The following FBXO24 variants were observed in gnomAD, a reference collection of about 807,000 sequenced individuals.
The protein encoded by FBXO24 is F-box only protein 24.
In FBXO24, 30 loss-of-function variants were observed where a neutral mutation model predicts 63.5. That is an observed-to-expected ratio of 0.47 (90% CI 0.35 to 0.64). The LOEUF (loss-of-function observed/expected upper bound fraction) is 0.64. Ranked by LOEUF, FBXO24 falls within the 30% of genes least tolerant of loss-of-function variation. The pLI, the probability that FBXO24 is intolerant of heterozygous loss-of-function variation, is 0.00. For synonymous variants in FBXO24, 300 were observed against 305.0 expected (o/e 0.98, Z 0.17); for missense variants, 624 against 763.4 (o/e 0.82, Z 2.15).
Position 100,592,943 on chromosome 7 carries a change from T to A in FBXO24, c.719T>A (p.Phe240Tyr). The A allele has an allele frequency of 6.2e-7, 1 of 1,614,146 alleles. No homozygotes were observed. Among genetic ancestry groups the A allele is most frequent in the Non-Finnish European group, 8.5e-7 (1 of 1,180,038 alleles). ...GGGCAGCGGGTCTTCAAGATGACAT[T>A]CCACCACTCAATGACCTTCAAGCAG... ...SSGQRVFKMT[F>Y]HHSMTFKQIV... Residue 240 changes from phenylalanine to tyrosine, a missense_variant, in exon 5 of 10, where the codon TTC becomes TAC. Transcript: ENST00000241071.
Position 100,600,993 on chromosome 7 carries a change from G to T in FBXO24, c.*94G>T. ...ACCATTGTGCACATGCGTGTGGGAAGGGGTTGCTAGGGGGTGGGGACGGCT... is the reference window on the plus strand; with the variant it reads ...ACCATTGTGCACATGCGTGTGGGAATGGGTTGCTAGGGGGTGGGGACGGCT... On this transcript the variant is annotated 3_prime_UTR_variant, in exon 10 of 10. Transcript: ENST00000241071. This position sits in a 1 kb window ranked among gnomAD's most constrained non-coding sequence, Gnocchi z 6.3. The T allele has an allele frequency of 1.3e-6, 2 of 1,500,242 alleles. No individual in the cohort carries two copies. The highest frequency in any genetic ancestry group is 4.2e-5 in the Admixed American group (2 of 47,538). 92.9% of individuals were successfully genotyped at this position (1,500,242 alleles called of 1,614,324 possible). A position where few individuals can be genotyped will look rare whatever the true frequency, so the allele number is the denominator to read the frequency against.
In FBXO24 at chr7:100,594,310, A is replaced by C. The variant is rs1802185602; in HGVS notation, c.794-73A>C. The C allele has an allele frequency of 6.4e-7, 1 of 1,558,834 alleles. No individual in the cohort carries two copies. Among genetic ancestry groups the C allele is most frequent in the Non-Finnish European group, 8.7e-7 (1 of 1,143,094 alleles). On this transcript the variant is annotated intron_variant, in intron 5 of 9. Coordinates refer to ENST00000241071, the MANE Select transcript of FBXO24 (RefSeq NM_033506.3). This position sits in a 1 kb window ranked among gnomAD's most constrained non-coding sequence, Gnocchi z 4.2. ...AGTAAATGTGTCACCCATATGGCCTAGGGAGTCTCTTGGGATGTTTATGTG... is the reference window on the plus strand; with the variant it reads ...AGTAAATGTGTCACCCATATGGCCTCGGGAGTCTCTTGGGATGTTTATGTG...
intron 3 of FBXO24, 64 bp downstream of exon 3, chr7:100,590,421 T>G: frequency 6.6e-7 from 1 of 1,520,834 alleles, no homozygotes; most frequent in Non-Finnish European, 8.9e-7. Flanking sequence ...TCCTGCTCTC[T>G]AAAGTCCCCT....
intron 6 of FBXO24, 86 bp from the exon 7 acceptor site, chr7:100,595,016 A>C: frequency 6.4e-7 from 1 of 1,572,350 alleles, no homozygotes; most frequent in Non-Finnish European, 8.7e-7. Context: ...GACTCCTTGG[A>C]TCTTGTAGCT....
At chr7:100,589,731 G>T (rs772432981) in intron 1 of FBXO24, 17 of 1,548,030 alleles carry the variant, frequency 1.1e-5, no homozygotes, top group Non-Finnish European at 1.5e-5. Context: ...GATGGTCAGG[G>T]GAAGCCAGAG....
intron 3 of FBXO24, among the ~76,000 whole-genome samples, chr7:100,591,407 G>A (rs1802020131): frequency 6.6e-6 from 1 of 152,164 alleles, no homozygotes; most frequent in South Asian, 2.1e-4. Context: ...CATCACTGAT[G>A]CAAGGTTGCA....
Position 100,595,199 on chromosome 7 carries a change from G to A in FBXO24, c.1050G>A (p.Pro350=), listed in dbSNP as rs142588651. The change falls in exon 7 of 10, where the codon CCG becomes CCA. Residue 350 remains proline (P), a synonymous_variant. Transcript: ENST00000241071. The part of the protein sequence containing the change: ...QAFDPLDQQM[P]LALSLPAKIL... ...TTGACCCCCTGGACCAGCAGATGCC[G>A]CTTGCTCTCTCACTGCCTGCCAAGG... 401 of 1,614,080 alleles carry A rather than the reference G, an allele frequency of 2.5e-4. 1 individual carries two copies. The African/African-American group carries it at 4.6e-3, about 19-fold the overall frequency.
At chr7:100,597,888 T>G (rs917617389) in intron 8 of FBXO24, among the ~76,000 whole-genome samples, 15 of 143,258 alleles carry the variant, frequency 1.0e-4, no homozygotes, top group Admixed American at 3.4e-4. Context: ...TTTTTTGTTT[T>G]TTTTGTTTTT....
At position 100,592,929 on chromosome 7, in the gene FBXO24, C is replaced by A. The variant is rs1398716521; in HGVS notation, c.705C>A (p.Val235=). Residue 235 remains valine (V), a synonymous_variant, in exon 5 of 10, where the codon GTC becomes GTA. Transcript: ENST00000241071. ...ATCTGCAGTCTAGTGGGCAGCGGGTCTTCAAGATGACATTCCACCACTCAA... is the reference window on the plus strand; with the variant it reads ...ATCTGCAGTCTAGTGGGCAGCGGGTATTCAAGATGACATTCCACCACTCAA... ...EVYLQSSGQR[V]FKMTFHHSMT... 2 of 1,614,186 alleles carry A rather than the reference C, an allele frequency of 1.2e-6. No homozygotes were observed. Among genetic ancestry groups the A allele is most frequent in the East Asian group, 2.2e-5 (1 of 44,872 alleles).
chr7:100,591,475 A>G (rs1802025068), intron 3 of FBXO24, among the ~76,000 whole-genome samples, 192 bp from the exon 4 acceptor site: 1 of 152,162 alleles, frequency 6.6e-6, no homozygotes, highest in Non-Finnish European at 1.5e-5. Flanking sequence ...TGGGGTGGAG[A>G]CTAAAGTTCA....
intron 8 of FBXO24, 25 bp downstream of exon 8, chr7:100,595,731 C>T (rs773262124): frequency 1.3e-6 from 2 of 1,556,926 alleles, no homozygotes; most frequent in East Asian, 2.3e-5. Flanking sequence ...CAGCAACTCT[C>T]ATCCCAACCC....
chr7:100,591,160 C>T (rs1180603137), intron 3 of FBXO24, among the ~76,000 whole-genome samples: 2 of 151,514 alleles, frequency 1.3e-5, no homozygotes, highest in Non-Finnish European at 2.9e-5. Flanking sequence ...CCTCAGCCTC[C>T]TGAGTAGCTG....
Position 100,601,004 on chromosome 7 carries a change from G to T in FBXO24, c.*105G>T, listed in dbSNP as rs1050733506. On this transcript the variant is annotated 3_prime_UTR_variant, in exon 10 of 10. Transcript: ENST00000241071. ...CATGCGTGTGGGAAGGGGTTGCTAG[G>T]GGGTGGGGACGGCTAACCAGGGTAA... is the stretch of plus-strand genomic sequence containing the variant. 2 of 1,486,442 alleles carry T rather than the reference G, an allele frequency of 1.3e-6. No individual in the cohort carries two copies. Among genetic ancestry groups the T allele is most frequent in the African/African-American group, 1.4e-5 (1 of 71,564 alleles). 92.1% of individuals were successfully genotyped at this position (1,486,442 alleles called of 1,614,324 possible).
intron 1 of FBXO24, among the ~76,000 whole-genome samples, chr7:100,587,203 C>T (rs966663286): frequency 2.6e-5 from 4 of 152,218 alleles, no homozygotes; most frequent in Non-Finnish European, 4.4e-5. Flanking sequence ...GGATCCTCCA[C>T]GCACAGCCCT....
intron 1 of FBXO24, among the ~76,000 whole-genome samples, chr7:100,587,574 A>AT (rs1465910013): frequency 2.8e-5 from 4 of 143,808 alleles, no homozygotes; most frequent in Middle Eastern, 4.0e-3. Context: ...AAGTGCTGGC[A>AT]TTACAGGCGT....
rs1430351137 is a variant in FBXO24, at chr7:100,594,093, A to C, written c.794-290A>C. On this transcript the variant is annotated intron_variant, in intron 5 of 9. Coordinates refer to ENST00000241071, the MANE Select transcript of FBXO24 (RefSeq NM_033506.3). This position sits in a 1 kb window ranked among gnomAD's most constrained non-coding sequence, Gnocchi z 4.2. The stretch of plus-strand genomic sequence containing the variant: ...TGAGCCACCACACTTGACCACCTCT[A>C]AACTTCTGAATGCCAGGCAGGGCCC... Among the ~76,000 whole-genome samples, 1 of 151,990 alleles carries C rather than the reference A, an allele frequency of 6.6e-6. No individual in the cohort carries two copies. Among genetic ancestry groups the C allele is most frequent in the Non-Finnish European group, 1.5e-5 (1 of 67,972 alleles).
At position 100,590,265 on chromosome 7, in the gene FBXO24, G is replaced by T; in HGVS notation, c.230G>T (p.Gly77Val). 2 of 1,614,198 alleles carry T rather than the reference G, an allele frequency of 1.2e-6. No homozygotes were observed. Among genetic ancestry groups the T allele is most frequent in the Non-Finnish European group, 1.7e-6 (2 of 1,180,032 alleles). ...TTCCACGAAGTGTGCGATGGGGAAG[G>T]CGTGTGGAGACGCATCTGTCGCAGA... ...RYFHEVCDGE[G>V]VWRRICRRLS... The change falls in exon 3 of 10, where the codon GGC becomes GTC. Residue 77 changes from glycine to valine, a missense_variant. Around this residue, in one of 3 missense-constraint regions of FBXO24, gnomAD observed 391 missense variants for 469.1 expected, o/e 0.83. Coordinates refer to ENST00000241071, the MANE Select transcript of FBXO24 (RefSeq NM_033506.3).
chr7:100,600,642 G>A lies in FBXO24; in HGVS notation c.1486G>A (p.Val496Met). 1 of 1,613,968 alleles carries A rather than the reference G, an allele frequency of 6.2e-7. No homozygotes were observed. Among genetic ancestry groups the A allele is most frequent in the Non-Finnish European group, 8.5e-7 (1 of 1,179,906 alleles). ...CTATCGCCACCTGCCAGCCAGCAGGGTGGTGGGGACTCCTGAGCCCAGCCT... is the reference window on the plus strand; with the variant it reads ...CTATCGCCACCTGCCAGCCAGCAGGATGGTGGGGACTCCTGAGCCCAGCCT... ...APYRHLPASR[V>M]VGTPEPSLGA... is the part of the protein sequence containing the mutation. The change falls in exon 10 of 10, where the codon GTG (valine) becomes ATG (methionine). Residue 496 changes from valine (V) to methionine (M), a missense_variant. Physicochemically the swap from Val to Met is conservative, Grantham distance 21. This residue lies in a region of FBXO24 where 216 missense variants were observed against 245.2 expected (regional missense o/e 0.88). Coordinates refer to ENST00000241071, the MANE Select transcript of FBXO24 (RefSeq NM_033506.3). This position sits in a 1 kb window ranked among gnomAD's most constrained non-coding sequence, Gnocchi z 6.3.
At chr7:100,589,337 GTTAGT>G in intron 1 of FBXO24, 1 of 1,037,898 alleles carries the variant, frequency 9.6e-7, no homozygotes, top group Non-Finnish European at 1.2e-6. Context: ...TCTCTACAGA[GTTAGT>G]GCTAAAAGGG....
Sources: allele counts gnomAD v4.1 joint callset (sites outside exome capture counted in the v4.1 genomes callset), GRCh38; gene constraint gnomAD v4.1.1; regional missense constraint gnomAD v4.1.1; non-coding constraint Gnocchi (gnomAD v3.1); transcripts MANE v1.5; gene names NCBI Gene and HGNC (gene_info 2026-07-23, HGNC 2026-07-21).